The following SYN3 variants were observed in gnomAD, a reference collection of about 807,000 sequenced individuals.
SYN3 encodes the protein synapsin-3.
Under a neutral mutation model 65.8 loss-of-function variants are expected in SYN3, and 35 were observed. The observed-to-expected ratio is 0.53, with a 90% CI of 0.41 to 0.70. The LOEUF is 0.70. Among genes scored for constraint, SYN3 ranks in the 30% least tolerant of loss-of-function variants. SYN3 has a pLI of 0.00. For missense variants in SYN3, 680 were observed against 749.0 expected (o/e 0.91, Z 1.08); for synonymous variants, 270 against 292.9 (o/e 0.92, Z 0.80).
At chr22:32,811,697 G>A (rs1036801024) in intron 6 of SYN3, among the ~76,000 whole-genome samples, 5 of 152,190 alleles carry the variant, frequency 3.3e-5, no homozygotes, top group African/African-American at 1.2e-4. Flanking sequence ...TGATTGGGGG[G>A]TCGGTCATAG....
chr22:32,999,027 T>C (rs1483349466), intron 2 of SYN3, among the ~76,000 whole-genome samples: 1 of 152,122 alleles, frequency 6.6e-6, no homozygotes, highest in Non-Finnish European at 1.5e-5. Context: ...CAATGACATA[T>C]GCTAACTGAA....
intron 11 of SYN3, 77 bp downstream of exon 11, chr22:32,528,797 A>G: frequency 6.3e-7 from 1 of 1,587,206 alleles, no homozygotes; most frequent in Non-Finnish European, 8.6e-7. Context: ...TCCCCTTTGG[A>G]TCCAGGGGCT....
At chr22:32,875,864 T>A (rs1365472607) in intron 4 of SYN3, among the ~76,000 whole-genome samples, 1 of 152,228 alleles carries the variant, frequency 6.6e-6, no homozygotes. Context: ...AATGAATTTC[T>A]GTTATTTAAG....
chr22:32,887,777 C>T (rs2049333339), intron 4 of SYN3, among the ~76,000 whole-genome samples: 1 of 152,154 alleles, frequency 6.6e-6, no homozygotes, highest in Non-Finnish European at 1.5e-5. Context: ...GGGTTGTCTC[C>T]AGATTGGGGC....
chr22:32,598,977 A>G (rs1302095333), intron 6 of SYN3, among the ~76,000 whole-genome samples: 1 of 152,212 alleles, frequency 6.6e-6, no homozygotes, highest in Non-Finnish European at 1.5e-5. Flanking sequence ...ATTGATTGAT[A>G]TATATATCAA....
intron 6 of SYN3, among the ~76,000 whole-genome samples, chr22:32,755,524 C>G (rs948642057): frequency 6.6e-6 from 1 of 152,216 alleles, no homozygotes; most frequent in South Asian, 2.1e-4. Flanking sequence ...AACCATGATT[C>G]CAACTCAGAT....
chr22:32,792,092 C>A (rs915889580), intron 6 of SYN3, among the ~76,000 whole-genome samples: 3 of 152,216 alleles, frequency 2.0e-5, no homozygotes, highest in Non-Finnish European at 2.9e-5. Context: ...GTGCCAGGCA[C>A]TGTGCCATGC....
At chr22:32,814,721 A>G (rs185452171) in intron 6 of SYN3, among the ~76,000 whole-genome samples, 3 of 152,326 alleles carry the variant, frequency 2.0e-5, no homozygotes, top group Non-Finnish European at 1.5e-5. Context: ...AATTACAAAT[A>G]GTTCGAATTC....
chr22:32,962,545 T>C (rs970933075), intron 3 of SYN3, among the ~76,000 whole-genome samples: 1 of 152,136 alleles, frequency 6.6e-6, no homozygotes, highest in African/African-American at 2.4e-5. Context: ...GGAGAGCAGA[T>C]GATATCTCAG....
chr22:32,799,004 T>G (rs2046498266), intron 6 of SYN3, among the ~76,000 whole-genome samples: 1 of 152,208 alleles, frequency 6.6e-6, no homozygotes, highest in Admixed American at 6.5e-5. Context: ...ATCTTCATTC[T>G]TACTGTTAGC....
chr22:32,595,711 T>TG (rs2059189350), intron 7 of SYN3, among the ~76,000 whole-genome samples: 1 of 152,088 alleles, frequency 6.6e-6, no homozygotes, highest in Non-Finnish European at 1.5e-5. Context: ...GATTGGATCA[T>TG]GGGGGCAGAT....
intron 12 of SYN3, among the ~76,000 whole-genome samples, chr22:32,523,643 CACA>C (rs776861902): frequency 6.6e-6 from 1 of 152,180 alleles, no homozygotes; most frequent in Non-Finnish European, 1.5e-5. Context: ...TTCCCCTAGA[CACA>C]ACAATATTGA....
At chr22:32,572,351 TC>T (rs1278872611) in intron 7 of SYN3, among the ~76,000 whole-genome samples, 1 of 104,684 alleles carries the variant, frequency 9.6e-6, no homozygotes, top group Non-Finnish European at 1.8e-5. Context: ...CTTCCTTCCT[TC>T]CCTTACTTCC....
chr22:32,924,817 C>T (rs988710379), intron 4 of SYN3, among the ~76,000 whole-genome samples: 1 of 152,186 alleles, frequency 6.6e-6, no homozygotes, highest in African/African-American at 2.4e-5. Flanking sequence ...GCAGGCTGGG[C>T]TTGGTGGCTT....
At chr22:32,516,017 C>G (rs975924644) in intron 13 of SYN3, among the ~76,000 whole-genome samples, 2 of 152,092 alleles carry the variant, frequency 1.3e-5, no homozygotes, top group Non-Finnish European at 2.9e-5. Context: ...CCAGGATGGT[C>G]TCGATCTCCT....
chr22:32,991,832 A>C (rs909303730), intron 2 of SYN3, among the ~76,000 whole-genome samples: 6 of 152,210 alleles, frequency 3.9e-5, no homozygotes, highest in African/African-American at 1.2e-4. Context: ...ATGGAAATGA[A>C]GCACCATCCC....
chr22:32,969,762 G>A (rs2051960978), intron 3 of SYN3, among the ~76,000 whole-genome samples: 1 of 152,128 alleles, frequency 6.6e-6, no homozygotes, highest in African/African-American at 2.4e-5. Flanking sequence ...CCATGACTAT[G>A]TCACACCTTC....
chr22:32,999,195 G>A (rs919699471), intron 2 of SYN3, among the ~76,000 whole-genome samples: 5 of 152,304 alleles, frequency 3.3e-5, no homozygotes, highest in South Asian at 2.1e-4. Context: ...AAGGGAGGTC[G>A]ATATTAACAC....
chr22:32,814,139 T>TA (rs2046996470), intron 6 of SYN3, among the ~76,000 whole-genome samples: 1 of 90,518 alleles, frequency 1.1e-5, no homozygotes, highest in African/African-American at 4.4e-5. Context: ...TGTGTGTGTG[T>TA]GTGAGAGAGA....
Sources: allele counts gnomAD v4.1 joint callset (sites outside exome capture counted in the v4.1 genomes callset), GRCh38; gene constraint gnomAD v4.1.1; transcripts MANE v1.5; gene names NCBI Gene and HGNC (gene_info 2026-07-23, HGNC 2026-07-21).